The following MPHOSPH8 variants were observed in gnomAD, a reference collection of about 807,000 sequenced individuals.
MPHOSPH8 encodes M-phase phosphoprotein 8.
MPHOSPH8 carries 45 observed loss-of-function variants against 87.3 expected under a neutral mutation model. The observed-to-expected ratio is 0.52, with a 90% CI of 0.41 to 0.66. The LOEUF (loss-of-function observed/expected upper bound fraction) is 0.66, where lower values mean the gene tolerates loss of function less well. MPHOSPH8 is among the 30% of genes least tolerant of loss of function. The probability of loss-of-function intolerance (pLI) is 0.00; values close to 1 mark genes in which losing one functional copy is unlikely to be tolerated. For synonymous variants in MPHOSPH8, 366 were observed against 376.9 expected (o/e 0.97, Z 0.33); for missense variants, 883 against 1,020.2 (o/e 0.87, Z 1.83).
chr13:19,648,644 C>G (rs1044817030), intron 4 of MPHOSPH8, 123 bp downstream of exon 4: 1 of 345,982 alleles, frequency 2.9e-6, no homozygotes, highest in Admixed American at 4.9e-5. Context: ...CTTGTTTTTC[C>G]TTTTTAATAT....
intron 11 of MPHOSPH8, 71 bp from the exon 12 acceptor site, chr13:19,670,165 C>A: frequency 1.3e-6 from 2 of 1,577,258 alleles, no homozygotes; most frequent in Non-Finnish European, 8.7e-7. Context: ...CTGCTTCCAT[C>A]TGGTGTTGAG....
At chr13:19,652,431 C>T (rs1185743804) in intron 5 of MPHOSPH8, among the ~76,000 whole-genome samples, 1 of 152,210 alleles carries the variant, frequency 6.6e-6, no homozygotes, top group African/African-American at 2.4e-5. Context: ...GTCTTCGCAA[C>T]TCACAGACCA....
chr13:19,634,011 GC>G (rs1305595459), intron 1 of MPHOSPH8, 50 bp downstream of exon 1: 1 of 1,567,688 alleles, frequency 6.4e-7, no homozygotes. Context: ...TCCGGGCCTG[GC>G]GGGGAGGACG....
rs1055943838 is a variant in MPHOSPH8 at position 19,666,597 on chromosome 13, G to T, written c.2174+18G>T. 5 of 1,568,892 alleles carry T rather than the reference G, an allele frequency of 3.2e-6. No individual in the cohort carries two copies. In the South Asian group the frequency reaches 4.6e-5, roughly 14 times the overall value. On this transcript the variant is annotated intron_variant, in intron 10 of 13. Coordinates refer to ENST00000361479, the MANE Select transcript of MPHOSPH8 (RefSeq NM_017520.4). ...TTAGAGACGTAAGTGAGAAGCGACT[G>T]TGCCATAGTTAAGTCACATATCATA...
rs781078224 is a variant in MPHOSPH8, at chr13:19,659,269, G to A, written c.1771G>A (p.Glu591Lys). 6.2e-7 allele frequency: 1 copy of A among 1,610,566 alleles called. No homozygotes were observed. Among genetic ancestry groups the A allele is most frequent in the East Asian group, 2.2e-5 (1 of 44,850 alleles). Residue 591 changes from glutamate to lysine, a missense_variant, in exon 7 of 14, where the codon GAA (glutamate) becomes AAA (lysine). By Grantham distance (56) the Glu-to-Lys change is moderately conservative (BLOSUM62 1). Around this residue, in one of 3 missense-constraint regions of MPHOSPH8, gnomAD observed 741 missense variants for 841.5 expected, o/e 0.88. Coordinates refer to ENST00000361479, the MANE Select transcript of MPHOSPH8 (RefSeq NM_017520.4). Reference sequence around the variant, plus strand: ...AAAAGTTGCACTTAATTCAAATGAAGAATATAACCTGGACCAAGAGGTAAT... The same window carrying A: ...AAAAGTTGCACTTAATTCAAATGAAAAATATAACCTGGACCAAGAGGTAAT... ...TVKVALNSNE[E>K]YNLDQEDSSG...
At position 19,634,420 on chromosome 13, in the gene MPHOSPH8, G is replaced by C. The variant is rs1489203465; in HGVS notation, c.213+459G>C. On this transcript the variant is annotated intron_variant, in intron 1 of 13. Transcript: ENST00000361479. ...TGGAGTAAAATCTCAATCTTACCCA[G>C]AGGGTGGCATTTAAAGGCCTTCATA... is the stretch of plus-strand genomic sequence containing the variant. Among the ~76,000 whole-genome samples the C allele has an allele frequency of 2.6e-5, 4 of 152,154 alleles. No individual in the cohort carries two copies. The South Asian group carries it at 8.3e-4, about 32-fold the overall frequency.
rs75777962 is a variant in MPHOSPH8 at position 19,640,869 on chromosome 13, G to A, written c.214-1246G>A. Among the ~76,000 whole-genome samples the A allele has an allele frequency of 1.8e-3, 274 of 152,180 alleles. 4 individuals are homozygous for A. The East Asian group carries it at 0.049, about 27-fold the overall frequency. On this transcript the variant is annotated intron_variant, in intron 1 of 13. Transcript: ENST00000361479. ...GAATAATCTTAAGTCACTAAAGAGC[G>A]TTTGAAAAGTTATAACAAAAAGTGC...
chr13:19,649,813 G>C (rs1176603931), intron 4 of MPHOSPH8, among the ~76,000 whole-genome samples, 190 bp from the exon 5 acceptor site: 1 of 152,210 alleles, frequency 6.6e-6, no homozygotes, highest in Non-Finnish European at 1.5e-5. Context: ...ATATTGAGCA[G>C]CCAGTAGAAA....
chr13:19,668,302 AG>A, intron 10 of MPHOSPH8, 74 bp from the exon 11 acceptor site: 1 of 1,359,112 alleles, frequency 7.4e-7, no homozygotes, highest in Non-Finnish European at 1.0e-6. Flanking sequence ...TGGCCTGGGA[AG>A]CCCTCACTGG....
chr13:19,650,199 CA>C lies in MPHOSPH8; in HGVS notation c.1516del (p.Ile506LeufsTer10). On this transcript the variant is annotated frameshift_variant, in exon 5 of 14. Coordinates refer to ENST00000361479, the MANE Select transcript of MPHOSPH8 (RefSeq NM_017520.4). LOFTEE classifies it high-confidence loss of function. Reference protein sequence around the residue: ...TRDETDTWAYIAAEGDQEVLD... With the variant: ...TRDETDTWAYXAAEGDQEVLD... ...GAGACGAAACGGATACTTGGGCATA[CA>C]TTGCTGCAGAAGGTGATCAGGAGGT... 8 of 1,614,138 alleles carry C rather than the reference CA, an allele frequency of 5.0e-6. No individual in the cohort carries two copies. The highest frequency in any genetic ancestry group is 6.8e-6 in the Non-Finnish European group (8 of 1,180,022).
intron 5 of MPHOSPH8, 126 bp from the exon 6 acceptor site, chr13:19,658,869 A>G: frequency 1.7e-6 from 2 of 1,190,426 alleles, no homozygotes; most frequent in African/African-American, 3.1e-5. Context: ...AGACCCCATT[A>G]TACAATGACT....
intron 1 of MPHOSPH8, among the ~76,000 whole-genome samples, chr13:19,635,807 A>G (rs985901535): frequency 4.6e-5 from 7 of 152,194 alleles, no homozygotes; most frequent in Non-Finnish European, 8.8e-5. Flanking sequence ...GTCCCCACCC[A>G]GAATCTCATC....
intron 11 of MPHOSPH8, among the ~76,000 whole-genome samples, chr13:19,669,531 A>G (rs1052068405): frequency 6.1e-4 from 63 of 102,474 alleles, no homozygotes; most frequent in African/African-American, 2.1e-3. Flanking sequence ...TTTTTTTTTC[A>G]GGAGTCTCAC....
chr13:19,667,209 CTTTT>C (rs1198189473), intron 10 of MPHOSPH8, among the ~76,000 whole-genome samples: 1 of 152,164 alleles, frequency 6.6e-6, no homozygotes, highest in Non-Finnish European at 1.5e-5. Context: ...ATTTGTCTTT[CTTTT>C]TAATAGACTT....
At chr13:19,659,840 G>C (rs376429687) in intron 7 of MPHOSPH8, among the ~76,000 whole-genome samples, 1 of 151,876 alleles carries the variant, frequency 6.6e-6, no homozygotes, top group Non-Finnish European at 1.5e-5. Context: ...TCTTGAGAGC[G>C]TAGAGTGAGA....
At position 19,647,123 on chromosome 13, in the gene MPHOSPH8, GA is replaced by G. The variant is rs1874611180; in HGVS notation, c.1052del (p.Asn351ThrfsTer4). 3 of 1,613,862 alleles carry G rather than the reference GA, an allele frequency of 1.9e-6. No individual in the cohort carries two copies. The highest frequency in any genetic ancestry group is 2.7e-5 in the African/African-American group (2 of 74,856). The part of the protein sequence containing the change: ...TRENRKLENK[N>X]AFLEKKTVPK... ...GAGAGAACAGGAAGCTAGAGAACAAGAACGCTTTCTTAGAGAAGAAAACTGT... is the reference window on the plus strand; with the variant it reads ...GAGAGAACAGGAAGCTAGAGAACAAGACGCTTTCTTAGAGAAGAAAACTGT... On this transcript the variant is annotated frameshift_variant, in exon 3 of 14. Coordinates refer to ENST00000361479, the MANE Select transcript of MPHOSPH8 (RefSeq NM_017520.4). LOFTEE classifies it high-confidence loss of function.
chr13:19,633,730 G>T lies in MPHOSPH8; in HGVS notation c.-19G>T. On this transcript the variant is annotated 5_prime_UTR_variant, in exon 1 of 14. Coordinates refer to ENST00000361479, the MANE Select transcript of MPHOSPH8 (RefSeq NM_017520.4). ...TTTGTCGCAGCGGGTTTTCCTCGGC[G>T]GTTTGCGGAGCTGCTAGGATGGAGC... 1 of 1,573,054 alleles carries T rather than the reference G, an allele frequency of 6.4e-7. No individual in the cohort carries two copies. Among genetic ancestry groups the T allele is most frequent in the Non-Finnish European group, 8.6e-7 (1 of 1,159,510 alleles).
At chr13:19,635,934 G>A (rs941835589) in intron 1 of MPHOSPH8, among the ~76,000 whole-genome samples, 1 of 152,154 alleles carries the variant, frequency 6.6e-6, no homozygotes, top group Admixed American at 6.5e-5. Flanking sequence ...TCAATCTGGT[G>A]GTTTTATAAG....
intron 5 of MPHOSPH8, among the ~76,000 whole-genome samples, chr13:19,656,292 A>C (rs1374659221): frequency 6.6e-6 from 1 of 151,088 alleles, no homozygotes; most frequent in African/African-American, 2.4e-5. Context: ...AAAAAAAAAA[A>C]AAAAAAAACT....
Sources: gnomAD v4.1 joint callset for allele counts (sites outside exome capture counted in the v4.1 genomes callset) on GRCh38, gnomAD v4.1.1 for gene constraint, gnomAD v4.1.1 regional missense constraint, MANE v1.5 for transcripts, NCBI Gene and HGNC (gene_info 2026-07-23, HGNC 2026-07-21) for gene names.